Variants in MAST2 observed in about 807,000 individuals in gnomAD.
The protein encoded by MAST2 is microtubule-associated serine/threonine-protein kinase 2.
A neutral mutation model predicts 147.4 loss-of-function variants in MAST2; 70 were observed. The observed-to-expected ratio is 0.47, with a 90% CI of 0.39 to 0.58. The LOEUF (loss-of-function observed/expected upper bound fraction) is 0.58, where lower values mean the gene tolerates loss of function less well. MAST2 is among the 20% of genes least tolerant of loss of function. The pLI, the probability that MAST2 is intolerant of heterozygous loss-of-function variation, is 0.00. For synonymous variants in MAST2, 869 were observed against 896.8 expected, an observed-to-expected ratio of 0.97 and a Z score of 0.55; for missense variants, 2,080 against 2,302.3, an observed-to-expected ratio of 0.90 and a Z score of 1.98.
intron 5 of MAST2, 83 bp from the exon 6 acceptor site, chr1:45,997,641 G>C: frequency 1.1e-6 from 1 of 934,054 alleles, no homozygotes; most frequent in Non-Finnish European, 1.8e-6. Context: ...GCCAGTGCTA[G>C]GGGAATATTT....
chr1:46,016,754 A>C (rs1405007483), intron 10 of MAST2, among the ~76,000 whole-genome samples: 1 of 152,262 alleles, frequency 6.6e-6, no homozygotes, highest in African/African-American at 2.4e-5. Context: ...TGCCCAAGGT[A>C]ATTTTTATAG....
chr1:45,977,823 G>A (rs1025155963), intron 5 of MAST2, among the ~76,000 whole-genome samples: 14 of 149,582 alleles, frequency 9.4e-5, no homozygotes, highest in Non-Finnish European at 8.9e-5. Flanking sequence ...AAAAGTTCTG[G>A]TTATCAAAAG....
chr1:45,884,355 C>G (rs546120055), intron 4 of MAST2, among the ~76,000 whole-genome samples: 1 of 152,022 alleles, frequency 6.6e-6, no homozygotes. Context: ...CGAGACCAGC[C>G]TGACCAATAT....
At chr1:45,862,414 C>T (rs1381070845) in intron 3 of MAST2, among the ~76,000 whole-genome samples, 2 of 151,732 alleles carry the variant, frequency 1.3e-5, no homozygotes, top group Non-Finnish European at 2.9e-5. Flanking sequence ...TCTGTTGTTT[C>T]CATGATATGG....
At chr1:45,922,345 G>A (rs1180905988) in intron 4 of MAST2, among the ~76,000 whole-genome samples, 1 of 152,208 alleles carries the variant, frequency 6.6e-6, no homozygotes, top group Non-Finnish European at 1.5e-5. Context: ...TCTCCACCCA[G>A]GAGCCTGTCT....
At chr1:45,899,387 C>T (rs1276984176) in intron 4 of MAST2, among the ~76,000 whole-genome samples, 6 of 132,654 alleles carry the variant, frequency 4.5e-5, no homozygotes, top group Non-Finnish European at 7.7e-5. Flanking sequence ...GCTGGGGTTT[C>T]GGCTTCTAGT....
Position 46,023,438 on chromosome 1 carries a change from T to C in MAST2, c.1571+120T>C. On this transcript the variant is annotated intron_variant, in intron 14 of 28. Coordinates refer to ENST00000361297, the MANE Select transcript of MAST2 (RefSeq NM_015112.3). The surrounding 1 kb of genome is among the most constrained non-coding windows in gnomAD (Gnocchi z 4.9). Reference sequence around the variant, plus strand: ...GATGCCTCGGGGTGGACCTTCTCACTCCCAGAAGCCTCCTGGGTGGGCAGG... The same window carrying C: ...GATGCCTCGGGGTGGACCTTCTCACCCCCAGAAGCCTCCTGGGTGGGCAGG... The C allele has an allele frequency of 2.3e-6, 2 of 882,946 alleles. No homozygotes were observed. Among genetic ancestry groups the C allele is most frequent in the South Asian group, 1.5e-5 (1 of 68,604 alleles). 54.7% of individuals were successfully genotyped at this position (882,946 alleles called of 1,614,324 possible).
chr1:45,827,529 A>C (rs937343667), intron 2 of MAST2, among the ~76,000 whole-genome samples: 37 of 152,150 alleles, frequency 2.4e-4, no homozygotes, highest in African/African-American at 8.4e-4. Context: ...ACTTCCCTTT[A>C]GAATTAATAG....
At chr1:45,818,584 T>C (rs916798807) in intron 1 of MAST2, among the ~76,000 whole-genome samples, 1 of 152,232 alleles carries the variant, frequency 6.6e-6, no homozygotes, top group Non-Finnish European at 1.5e-5. Flanking sequence ...GACTGTAGGA[T>C]GGTCGATGTT....
At chr1:45,880,156 T>C (rs147021048) in intron 3 of MAST2, among the ~76,000 whole-genome samples, 80 of 152,236 alleles carry the variant, frequency 5.3e-4, no homozygotes, top group African/African-American at 1.8e-3. Context: ...TCAAAAAACA[T>C]GTTATAGGAA....
At chr1:46,011,182 G>T (rs1477776296) in intron 10 of MAST2, 8 of 520,324 alleles carry the variant, frequency 1.5e-5, no homozygotes, top group Non-Finnish European at 2.8e-5. Context: ...ATATTACTTT[G>T]TTGTATTACG....
rs374237095 is a variant in MAST2 at position 46,027,845 on chromosome 1, G to A, written c.2034G>A (p.Arg678=). The A allele has an allele frequency of 1.2e-5, 19 of 1,614,094 alleles. No homozygotes were observed. The African/African-American group carries it at 2.4e-4, about 20-fold the overall frequency. Residue 678 remains arginine (R), a synonymous_variant, in exon 17 of 29, where the codon CGG becomes CGA. Coordinates refer to ENST00000361297, the MANE Select transcript of MAST2 (RefSeq NM_015112.3). ...AGGGTCATATTGAAAAGGATGCCCG[G>A]GAATTCCTGGACAAGCAGGTAAGGA... ...LYEGHIEKDA[R]EFLDKQVCGT...
intron 4 of MAST2, among the ~76,000 whole-genome samples, chr1:45,946,999 T>C (rs1294941376): frequency 1.3e-5 from 2 of 152,240 alleles, no homozygotes; most frequent in African/African-American, 2.4e-5. Flanking sequence ...TTTTAGATCA[T>C]TTGAGGATGA....
In MAST2 at chr1:46,021,938, C is replaced by A. The variant is rs1646201891; in HGVS notation, c.1291-12C>A. The A allele has an allele frequency of 1.2e-6, 2 of 1,613,818 alleles. No individual in the cohort carries two copies. Among genetic ancestry groups the A allele is most frequent in the Non-Finnish European group, 8.5e-7 (1 of 1,179,882 alleles). On this transcript the variant is annotated splice_polypyrimidine_tract_variant and intron_variant, in intron 11 of 28. Coordinates refer to ENST00000361297, the MANE Select transcript of MAST2 (RefSeq NM_015112.3). Reference sequence around the variant, plus strand: ...ATCTGTCACCACTGACTATCTCTCTCCCTTGGTACAGGAGTTTGACCCTGA... The same window carrying A: ...ATCTGTCACCACTGACTATCTCTCTACCTTGGTACAGGAGTTTGACCCTGA...
Position 46,031,888 on chromosome 1 carries a change from A to G in MAST2, c.3188-290A>G, listed in dbSNP as rs530321013. On this transcript the variant is annotated intron_variant, in intron 24 of 28. Transcript: ENST00000361297. The surrounding 1 kb of genome is among the most constrained non-coding windows in gnomAD (Gnocchi z 4.1). ...TCTCTAAGCCTCAAGTTTCTTATCCAAAAATGTGGATATAATAGAGGCCAG... is the reference window on the plus strand; with the variant it reads ...TCTCTAAGCCTCAAGTTTCTTATCCGAAAATGTGGATATAATAGAGGCCAG... Among the ~76,000 whole-genome samples, 1 of 152,314 alleles carries G rather than the reference A, an allele frequency of 6.6e-6. No individual in the cohort carries two copies. Among genetic ancestry groups the G allele is most frequent in the East Asian group, 1.9e-4 (1 of 5,180 alleles).
At chr1:46,030,513 C>A (rs899283990) in intron 21 of MAST2, 94 bp from the exon 22 acceptor site, 1 of 1,451,562 alleles carries the variant, frequency 6.9e-7, no homozygotes. Flanking sequence ...CCGACTGGTT[C>A]AAATTCCTAG....
chr1:45,964,256 T>G (rs993986042), intron 5 of MAST2, among the ~76,000 whole-genome samples: 2 of 152,222 alleles, frequency 1.3e-5, no homozygotes, highest in African/African-American at 4.8e-5. Flanking sequence ...GGATTCCGTC[T>G]TTTTCTATTG....
At position 45,991,024 on chromosome 1, in the gene MAST2, A is replaced by G. The variant is rs368738218; in HGVS notation, c.593-6700A>G. On this transcript the variant is annotated intron_variant, in intron 5 of 28. Coordinates refer to ENST00000361297, the MANE Select transcript of MAST2 (RefSeq NM_015112.3). The stretch of plus-strand genomic sequence containing the variant: ...TCGTTTTTTGTTTTTACATTTAGGT[A>G]AATCTTACATTCGGATCATTTTCAT... Among the ~76,000 whole-genome samples, 14 of 152,304 alleles carry G rather than the reference A, an allele frequency of 9.2e-5. No individual in the cohort carries two copies. In the South Asian group the frequency reaches 2.5e-3, roughly 27 times the overall value.
rs780477976 is a variant in MAST2, at chr1:46,035,096, G to A, written c.4427G>A (p.Arg1476Gln). The A allele has an allele frequency of 1.5e-5, 24 of 1,613,464 alleles. No homozygotes were observed. Among genetic ancestry groups the A allele is most frequent in the Middle Eastern group, 3.3e-4 (2 of 6,084 alleles). ...GKGVLQPAPS[R>Q]ALGTLRQDRA... ...GGGGTGCTGCAGCCTGCTCCCTCAC[G>A]GGCCCTAGGCACCCTCCGGCAGGAC... Residue 1476 changes from arginine to glutamine, a missense_variant, in exon 29 of 29, where the codon CGG becomes CAG. Coordinates refer to ENST00000361297, the MANE Select transcript of MAST2 (RefSeq NM_015112.3). This position sits in a 1 kb window ranked among gnomAD's most constrained non-coding sequence, Gnocchi z 5.5.
Sources: gnomAD v4.1 joint callset for allele counts (sites outside exome capture counted in the v4.1 genomes callset) on GRCh38, gnomAD v4.1.1 for gene constraint, Gnocchi (gnomAD v3.1) non-coding constraint, MANE v1.5 for transcripts, NCBI Gene and HGNC (gene_info 2026-07-23, HGNC 2026-07-21) for gene names.